The following FBXW11 variants were observed in gnomAD, a reference collection of about 807,000 sequenced individuals.
FBXW11 encodes F-box and WD repeat domain containing 11.
A neutral mutation model predicts 77.6 loss-of-function variants in FBXW11; 19 were observed. That is an observed-to-expected ratio of 0.24 (90% confidence interval 0.17 to 0.36). The LOEUF (loss-of-function observed/expected upper bound fraction) is 0.36, where lower values mean the gene tolerates loss of function less well. Ranked by LOEUF, FBXW11 falls within the 10% of genes least tolerant of loss-of-function variation. The probability of loss-of-function intolerance (pLI) is 1.00; values close to 1 mark genes in which losing one functional copy is unlikely to be tolerated. For missense variants in FBXW11, 334 were observed against 704.2 expected, an observed-to-expected ratio of 0.47 and a Z score of 5.95; for synonymous variants, 235 against 249.4, an observed-to-expected ratio of 0.94 and a Z score of 0.54.
chr5:171,974,825 G>A (rs1479611137), intron 1 of FBXW11, among the ~76,000 whole-genome samples: 1 of 151,786 alleles, frequency 6.6e-6, no homozygotes, highest in East Asian at 1.9e-4. Flanking sequence ...TGAGAATTTC[G>A]ATCTTGTTGC....
chr5:171,916,715 C>T (rs1183887829), intron 2 of FBXW11, among the ~76,000 whole-genome samples: 1 of 152,016 alleles, frequency 6.6e-6, no homozygotes, highest in Non-Finnish European at 1.5e-5. Flanking sequence ...AGCCGTCTTG[C>T]AAGGCCACAA....
chr5:171,952,955 G>A (rs942979533), intron 2 of FBXW11, among the ~76,000 whole-genome samples: 18 of 151,588 alleles, frequency 1.2e-4, no homozygotes, highest in Non-Finnish European at 2.2e-4. Context: ...ATGTGGTCCA[G>A]GGAAGACAAA....
intron 2 of FBXW11, among the ~76,000 whole-genome samples, chr5:171,930,468 G>A (rs965693753): frequency 6.6e-6 from 1 of 152,174 alleles, no homozygotes; most frequent in African/African-American, 2.4e-5. Flanking sequence ...TACAGATTGA[G>A]AAGAAAGAAA....
At chr5:171,953,692 T>A (rs986625280) in intron 2 of FBXW11, among the ~76,000 whole-genome samples, 4 of 152,180 alleles carry the variant, frequency 2.6e-5, no homozygotes, top group Admixed American at 6.5e-5. Context: ...CCTTTATGAT[T>A]TTTAAAGATG....
chr5:171,930,749 A>T (rs1485521989), intron 2 of FBXW11, among the ~76,000 whole-genome samples: 5 of 48,906 alleles, frequency 1.0e-4, no homozygotes, highest in African/African-American at 3.2e-4. Context: ...ATAAAAAATA[A>T]AAAATAAAAA....
At chr5:171,998,653 C>T (rs1246146399) in intron 1 of FBXW11, among the ~76,000 whole-genome samples, 3 of 151,490 alleles carry the variant, frequency 2.0e-5, no homozygotes, top group Non-Finnish European at 2.9e-5. Context: ...AAAAATTAAC[C>T]GGGCCTGGTG....
intron 2 of FBXW11, among the ~76,000 whole-genome samples, chr5:171,929,199 T>C (rs1472670890): frequency 1.3e-5 from 2 of 151,992 alleles, no homozygotes; most frequent in Admixed American, 6.6e-5. Flanking sequence ...TAAAACCCCA[T>C]CTCTACTAAA....
At chr5:171,984,084 C>T (rs1765300804) in intron 1 of FBXW11, among the ~76,000 whole-genome samples, 1 of 151,964 alleles carries the variant, frequency 6.6e-6, no homozygotes, top group Non-Finnish European at 1.5e-5. Context: ...ACTCTATAAT[C>T]CTATTTACAT....
At position 171,870,781 on chromosome 5, in the gene FBXW11, T is replaced by C; in HGVS notation, c.1418A>G (p.Asp473Gly). ...HEELVRCIRF[D>G]NKRIVSGAYD... is the part of the protein sequence containing the mutation. ...GGCCCCACTGACAATCCTCTTGTTA[T>C]CAAACCGGATGCATCGGACCAATTC... The change falls in exon 11 of 14, where the codon GAT becomes GGT. Residue 473 changes from aspartate (D) to glycine (G), a missense_variant. Around this residue, in one of 10 missense-constraint regions of FBXW11, gnomAD observed 30 missense variants for 50.7 expected, o/e 0.59. Transcript: ENST00000517395. 1 of 1,613,970 alleles carries C rather than the reference T, an allele frequency of 6.2e-7. No homozygotes were observed. Among genetic ancestry groups the C allele is most frequent in the Non-Finnish European group, 8.5e-7 (1 of 1,179,858 alleles).
intron 2 of FBXW11, among the ~76,000 whole-genome samples, chr5:171,938,034 A>G (rs923900808): frequency 4.6e-5 from 7 of 152,164 alleles, no homozygotes; most frequent in Non-Finnish European, 8.8e-5. Context: ...CAAAATCCCA[A>G]TAAGAAAATG....
intron 7 of FBXW11, among the ~76,000 whole-genome samples, chr5:171,886,572 T>TA (rs1758898237): frequency 6.6e-6 from 1 of 150,906 alleles, no homozygotes; most frequent in South Asian, 2.1e-4. Context: ...TAAAGTATAA[T>TA]AAAAAATAAA....
At chr5:171,943,388 G>C (rs922458783) in intron 2 of FBXW11, among the ~76,000 whole-genome samples, 12 of 152,156 alleles carry the variant, frequency 7.9e-5, no homozygotes, top group Admixed American at 6.5e-4. Flanking sequence ...CAACTCAATG[G>C]CAGGCTGTTG....
intron 6 of FBXW11, among the ~76,000 whole-genome samples, chr5:171,897,342 GAGA>G (rs1759807873): frequency 6.6e-6 from 1 of 152,152 alleles, no homozygotes; most frequent in South Asian, 2.1e-4. Flanking sequence ...CAAAAATCTG[GAGA>G]AGACTTTTGT....
chr5:171,905,602 T>TCA (rs766171553), intron 4 of FBXW11, among the ~76,000 whole-genome samples: 1 of 43,830 alleles, frequency 2.3e-5, no homozygotes, highest in Non-Finnish European at 6.2e-5. Flanking sequence ...CCCCCCCCTT[T>TCA]ATTTTCTTGG....
rs915205620 is a variant in FBXW11, at chr5:171,937,285, A to G, written c.147+20312T>C. Among the ~76,000 whole-genome samples the G allele has an allele frequency of 2.0e-5, 3 of 152,210 alleles. No homozygotes were observed. The South Asian group carries it at 6.2e-4, about 32-fold the overall frequency. On this transcript the variant is annotated intron_variant, in intron 2 of 13. Coordinates refer to ENST00000517395, the MANE Select transcript of FBXW11 (RefSeq NM_001378974.1). ...AAAAGAAAAGTGGGGAATCAGTCCT[A>G]CCAGACATCAAAATACACCATAAAT...
intron 4 of FBXW11, 21 bp downstream of exon 4, chr5:171,910,551 T>G: frequency 2.5e-6 from 4 of 1,590,600 alleles, no homozygotes; most frequent in Non-Finnish European, 3.4e-6. Flanking sequence ...GCTCAGCTTT[T>G]GAAAAGACAA....
At chr5:171,911,911 T>C (rs1311818861) in intron 3 of FBXW11, among the ~76,000 whole-genome samples, 1 of 152,234 alleles carries the variant, frequency 6.6e-6, no homozygotes, top group East Asian at 1.9e-4. Context: ...GTCAAACATT[T>C]GTCAAGCTAT....
chr5:172,002,902 T>C (rs1455697402), intron 1 of FBXW11, among the ~76,000 whole-genome samples: 1 of 151,434 alleles, frequency 6.6e-6, no homozygotes, highest in Non-Finnish European at 1.5e-5. Flanking sequence ...TTTTGTTATG[T>C]TGCCTAGGCT....
At chr5:171,913,000 CATT>C (rs1292304609) in intron 3 of FBXW11, among the ~76,000 whole-genome samples, 3 of 151,484 alleles carry the variant, frequency 2.0e-5, no homozygotes, top group African/African-American at 4.9e-5. Context: ...TTTTATAAAA[CATT>C]ATGATCACAG....
Sources: allele counts gnomAD v4.1 joint callset (sites outside exome capture counted in the v4.1 genomes callset), GRCh38; gene constraint gnomAD v4.1.1; regional missense constraint gnomAD v4.1.1; transcripts MANE v1.5; gene names NCBI Gene and HGNC (gene_info 2026-07-23, HGNC 2026-07-21).